Variants in CACNA1H observed in about 807,000 individuals in gnomAD.
CACNA1H encodes calcium voltage-gated channel subunit alpha1 H.
A neutral mutation model predicts 192.5 loss-of-function variants in CACNA1H; 149 were observed. The observed-to-expected ratio is 0.77, with a 90% confidence interval of 0.68 to 0.89. The LOEUF (loss-of-function observed/expected upper bound fraction) is 0.89. CACNA1H is among the 40% of genes least tolerant of loss of function. The pLI is 0.00. For missense variants in CACNA1H, 4,257 were observed against 3,423.5 expected, an observed-to-expected ratio of 1.24 and a Z score of -6.08; for synonymous variants, 2,202 against 1,475.2, an observed-to-expected ratio of 1.49 and a Z score of -11.29.
intron 2 of CACNA1H, among the ~76,000 whole-genome samples, chr16:1,182,218 A>C (rs531740951): frequency 3.3e-5 from 5 of 151,918 alleles, no homozygotes; most frequent in South Asian, 2.1e-4. Flanking sequence ...GGGGTGGAGG[A>C]GGCGGGCCTC....
rs377665479 is a variant in CACNA1H, at chr16:1,200,364, C to G, written c.912C>G (p.His304Gln). 3.8e-6 allele frequency: 6 copies of G among 1,599,310 alleles called. No homozygotes were observed. In the African/African-American group the frequency reaches 5.4e-5, roughly 14 times the overall value. The change falls in exon 7 of 35, where the codon CAC (histidine) becomes CAG (glutamine). Residue 304 changes from histidine to glutamine, a missense_variant. His to Gln is a conservative substitution (Grantham distance 24). Coordinates refer to ENST00000348261, the MANE Select transcript of CACNA1H (RefSeq NM_021098.3). The part of the protein sequence containing the change: ...RRDNGMQKCS[H>Q]IPGRRELRMP... ...ACAACGGCATGCAGAAGTGCTCGCACATCCCCGGCCGCCGCGAGCTGCGCA... is the reference window on the plus strand; with the variant it reads ...ACAACGGCATGCAGAAGTGCTCGCAGATCCCCGGCCGCCGCGAGCTGCGCA...
At chr16:1,155,531 G>A (rs1268408503) in intron 2 of CACNA1H, among the ~76,000 whole-genome samples, 2 of 152,192 alleles carry the variant, frequency 1.3e-5, no homozygotes, top group Non-Finnish European at 2.9e-5. Context: ...TGGGAGGCTG[G>A]CCCCGAGCCA....
intron 2 of CACNA1H, among the ~76,000 whole-genome samples, chr16:1,181,585 C>T (rs1264118530): frequency 6.6e-6 from 1 of 152,218 alleles, no homozygotes; most frequent in Non-Finnish European, 1.5e-5. Context: ...CTCAATTATG[C>T]CTTGAAAAGT....
Position 1,153,758 on chromosome 16 carries a change from C to A in CACNA1H, c.21C>A (p.Ala7=), listed in dbSNP as rs904297221. The stretch of plus-strand genomic sequence containing the variant: ...CCACCATGACCGAGGGCGCACGGGC[C>A]GCCGACGAGGTCCGGGTGCCCCTGG... MTEGAR[A]ADEVRVPLGA... The change falls in exon 2 of 35, where the codon GCC becomes GCA. Residue 7 remains alanine (A), a synonymous_variant. Coordinates refer to ENST00000348261, the MANE Select transcript of CACNA1H (RefSeq NM_021098.3). 3.6e-5 allele frequency: 44 copies of A among 1,214,612 alleles called. No individual in the cohort carries two copies. The highest frequency in any genetic ancestry group is 4.4e-5 in the Non-Finnish European group (43 of 976,912). 75.2% of individuals were successfully genotyped at this position (1,214,612 alleles called of 1,614,324 possible).
At chr16:1,170,537 G>A (rs1475840853) in intron 2 of CACNA1H, among the ~76,000 whole-genome samples, 2 of 152,226 alleles carry the variant, frequency 1.3e-5, no homozygotes, top group Non-Finnish European at 2.9e-5. Flanking sequence ...ACCCCCACAA[G>A]CCCAGTGGCC....
intron 2 of CACNA1H, among the ~76,000 whole-genome samples, chr16:1,161,373 A>G (rs1963179228): frequency 6.6e-6 from 1 of 152,116 alleles, no homozygotes; most frequent in African/African-American, 2.4e-5. Flanking sequence ...TCCCCTCCCC[A>G]GCTGTCTGCA....
In CACNA1H at chr16:1,207,037, C is replaced by T. The variant is rs759936559; in HGVS notation, c.2826C>T (p.Ser942=). The change falls in exon 13 of 35, where the codon AGC becomes AGT. Residue 942 remains serine, a synonymous_variant. Coordinates refer to ENST00000348261, the MANE Select transcript of CACNA1H (RefSeq NM_021098.3). ...TGCACCTTTTCGGCTGCAAGTTCAGCCTGAAGACAGACACCGGAGACACCG... is the reference window on the plus strand; with the variant it reads ...TGCACCTTTTCGGCTGCAAGTTCAGTCTGAAGACAGACACCGGAGACACCG... The part of the protein sequence containing the change: ...LGMHLFGCKF[S]LKTDTGDTVP... The T allele has an allele frequency of 2.6e-5, 41 of 1,600,376 alleles. No homozygotes were observed. The highest frequency in any genetic ancestry group is 2.3e-5 in the Non-Finnish European group (27 of 1,173,638).
At chr16:1,196,085 G>T in intron 5 of CACNA1H, 62 bp downstream of exon 5, 3 of 1,377,384 alleles carry the variant, frequency 2.2e-6, no homozygotes, top group East Asian at 2.3e-5. Context: ...CAGCCCTGCA[G>T]AGCTCTCAAA....
chr16:1,210,324 A>T, intron 18 of CACNA1H, 46 bp from the exon 19 acceptor site: 2 of 1,471,518 alleles, frequency 1.4e-6, no homozygotes, highest in Non-Finnish European at 1.8e-6. Flanking sequence ...CCACTCTGCC[A>T]TCCACGCCGC....
chr16:1,173,166 G>A (rs944379031), intron 2 of CACNA1H, among the ~76,000 whole-genome samples: 4 of 152,180 alleles, frequency 2.6e-5, no homozygotes, highest in Non-Finnish European at 2.9e-5. Context: ...GCTGACGGGC[G>A]CGAGGTGGAG....
intron 3 of CACNA1H, 111 bp from the exon 4 acceptor site, chr16:1,195,321 C>A (rs1358612985): frequency 7.3e-5 from 56 of 768,432 alleles, no homozygotes; most frequent in Non-Finnish European, 9.0e-5. Context: ...GGGGCAGGGG[C>A]GGGGCGAGGG....
chr16:1,204,511 G>A (rs1439232325), intron 10 of CACNA1H, 53 bp downstream of exon 10: 21 of 1,430,896 alleles, frequency 1.5e-5, no homozygotes, highest in Non-Finnish European at 1.9e-5. Flanking sequence ...TGCAGGGCCT[G>A]GGGAGTCTCA....
intron 2 of CACNA1H, among the ~76,000 whole-genome samples, chr16:1,160,896 G>A (rs919683957): frequency 2.4e-4 from 37 of 152,240 alleles, no homozygotes; most frequent in African/African-American, 7.9e-4. Flanking sequence ...TCGGGTGCGC[G>A]GCCGGCGAGG....
At chr16:1,177,032 C>G (rs1964957511) in intron 2 of CACNA1H, among the ~76,000 whole-genome samples, 1 of 152,096 alleles carries the variant, frequency 6.6e-6, no homozygotes, top group Admixed American at 6.5e-5. Context: ...CCCCCAGGAG[C>G]TTCCCCCAGG....
At chr16:1,206,566 T>TGGGGGC (rs1968738784) in intron 12 of CACNA1H, 1 of 490,206 alleles carries the variant, frequency 2.0e-6, no homozygotes, top group Admixed American at 3.6e-5. Context: ...ATACCGGGGG[T>TGGGGGC]GGGGGCAGGC....
intron 2 of CACNA1H, among the ~76,000 whole-genome samples, chr16:1,174,115 A>ACT (rs2151722294): frequency 6.6e-6 from 1 of 152,246 alleles, no homozygotes; most frequent in South Asian, 2.1e-4. Flanking sequence ...CAGCTCTGAG[A>ACT]CCCACCACAG....
rs988178909 is a variant in CACNA1H, at chr16:1,180,407, C to G, written c.300-14565C>G. Among the ~76,000 whole-genome samples the G allele has an allele frequency of 6.6e-6, 1 of 152,156 alleles. No homozygotes were observed. The highest frequency in any genetic ancestry group is 1.9e-4 in the East Asian group (1 of 5,174). On this transcript the variant is annotated intron_variant, in intron 2 of 34. Transcript: ENST00000348261. The surrounding 1 kb of genome is among the most constrained non-coding windows in gnomAD (Gnocchi z 4.4). ...AGGGGGCACCCCAGGTGTCTGAACC[C>G]CAGGTCTGTGGAGGCCCGAGGTCTG...
intron 12 of CACNA1H, 97 bp downstream of exon 12, chr16:1,206,386 C>T: frequency 8.9e-7 from 1 of 1,119,806 alleles, no homozygotes; most frequent in African/African-American, 1.6e-5. Context: ...AGGAGCCCTC[C>T]CACCAGCAGC....
rs575461305 is a variant in CACNA1H at position 1,166,929 on chromosome 16, C to T, written c.299+12893C>T. ...AAACCCTGGCTTCGTGTCTCTTGGA[C>T]GTAAATCTGGGAGCAAAATTGCTGG... On this transcript the variant is annotated intron_variant, in intron 2 of 34. Coordinates refer to ENST00000348261, the MANE Select transcript of CACNA1H (RefSeq NM_021098.3). 2.6e-5 allele frequency among the ~76,000 whole-genome samples: 4 copies of T among 152,296 alleles called. 1 individual carries two copies. Among genetic ancestry groups the T allele is most frequent in the South Asian group, 4.1e-4 (2 of 4,826 alleles).
Sources: allele counts gnomAD v4.1 joint callset (sites outside exome capture counted in the v4.1 genomes callset), GRCh38; gene constraint gnomAD v4.1.1; non-coding constraint Gnocchi (gnomAD v3.1); transcripts MANE v1.5; gene names NCBI Gene and HGNC (gene_info 2026-07-23, HGNC 2026-07-21).